Variants in SCAPER observed in about 807,000 individuals in gnomAD.
SCAPER encodes S phase cyclin A-associated protein in the endoplasmic reticulum.
SCAPER carries 98 observed loss-of-function variants against 182.2 expected under a neutral mutation model. The observed-to-expected ratio is 0.54, with a 90% CI of 0.46 to 0.64. The LOEUF (loss-of-function observed/expected upper bound fraction) is 0.64. SCAPER is among the 30% of genes least tolerant of loss of function. SCAPER has a pLI of 0.00. For synonymous variants in SCAPER, 605 were observed against 564.6 expected, an observed-to-expected ratio of 1.07 and a Z score of -1.01; for missense variants, 1,432 against 1,690.0, an observed-to-expected ratio of 0.85 and a Z score of 2.68.
chr15:76,362,256 G>T (rs2141743192), intron 29 of SCAPER, among the ~76,000 whole-genome samples: 1 of 151,652 alleles, frequency 6.6e-6, no homozygotes, highest in Non-Finnish European at 1.5e-5. Flanking sequence ...TACAAGCATG[G>T]GCCACCGCGC....
chr15:76,682,281 AGT>A (rs964541575), intron 20 of SCAPER, among the ~76,000 whole-genome samples: 11 of 97,062 alleles, frequency 1.1e-4, no homozygotes, highest in African/African-American at 4.5e-4. Context: ...CCCACCCCAC[AGT>A]GTACGTGTGA....
chr15:76,560,758 AAAG>A (rs1232464358), intron 23 of SCAPER, among the ~76,000 whole-genome samples: 12 of 152,210 alleles, frequency 7.9e-5, no homozygotes, highest in African/African-American at 2.7e-4. Context: ...TTGTAGTATC[AAAG>A]AAAAGTGAAT....
Position 76,621,832 on chromosome 15 carries a change from G to A in SCAPER, c.2646-3C>T. The A allele has an allele frequency of 6.3e-7, 1 of 1,595,660 alleles. No individual in the cohort carries two copies. The highest frequency in any genetic ancestry group is 1.1e-5 in the South Asian group (1 of 87,454). ...TTAAACTCTCATATTCCTTAGCCCTGAAGAGAAAAAAAGTTTTAACACAGT... is the reference window on the plus strand; with the variant it reads ...TTAAACTCTCATATTCCTTAGCCCTAAAGAGAAAAAAAGTTTTAACACAGT... On this transcript the variant is annotated splice_region_variant and splice_polypyrimidine_tract_variant and intron_variant, in intron 21 of 31. Transcript: ENST00000563290.
At chr15:76,464,478 A>G (rs1003518599) in intron 25 of SCAPER, among the ~76,000 whole-genome samples, 3 of 152,096 alleles carry the variant, frequency 2.0e-5, no homozygotes, top group African/African-American at 7.2e-5. Flanking sequence ...TGGAAGCTGC[A>G]TATATGAAAA....
chr15:76,770,653 T>C (rs1206615122), intron 10 of SCAPER, among the ~76,000 whole-genome samples: 2 of 152,184 alleles, frequency 1.3e-5, no homozygotes, highest in African/African-American at 4.8e-5. Flanking sequence ...TTTTTAATTA[T>C]TTCATGCTTA....
intron 21 of SCAPER, among the ~76,000 whole-genome samples, chr15:76,622,357 C>T (rs1191435545): frequency 1.3e-5 from 2 of 151,838 alleles, no homozygotes; most frequent in African/African-American, 4.8e-5. Flanking sequence ...AAGAATTCAT[C>T]CAGTGATCTA....
rs777640039 is a variant in SCAPER, at chr15:76,702,906, C to T, written c.2344G>A (p.Ala782Thr). 3 of 1,611,360 alleles carry T rather than the reference C, an allele frequency of 1.9e-6. No individual in the cohort carries two copies. Among genetic ancestry groups the T allele is most frequent in the African/African-American group, 2.7e-5 (2 of 74,872 alleles). Residue 782 changes from alanine (A) to threonine (T), a missense_variant, in exon 19 of 32, where the codon GCC becomes ACC. Transcript: ENST00000563290. Reference protein sequence around the residue: ...SSGRHANTDYAPKLTPYERKK... With the variant: ...SSGRHANTDYTPKLTPYERKK... Reference sequence around the variant, plus strand: ...CTTTCATAAGGGGTCAGTTTGGGGGCATAATCAGTATTTGCATGTCGCCCA... The same window carrying T: ...CTTTCATAAGGGGTCAGTTTGGGGGTATAATCAGTATTTGCATGTCGCCCA...
intron 26 of SCAPER, among the ~76,000 whole-genome samples, chr15:76,431,268 T>C (rs531956324): frequency 1.3e-5 from 2 of 150,108 alleles, no homozygotes; most frequent in African/African-American, 2.5e-5. Flanking sequence ...TTGGATATGC[T>C]GTAAAAGTCT....
intron 22 of SCAPER, among the ~76,000 whole-genome samples, chr15:76,581,833 G>A (rs2048296277): frequency 6.6e-6 from 1 of 152,032 alleles, no homozygotes; most frequent in South Asian, 2.1e-4. Context: ...CAATCTGCCA[G>A]CCACAGCCTC....
chr15:76,584,275 G>A (rs1395744204), intron 22 of SCAPER, among the ~76,000 whole-genome samples: 3 of 150,124 alleles, frequency 2.0e-5, no homozygotes, highest in Non-Finnish European at 4.4e-5. Flanking sequence ...GGCTGGTAAG[G>A]GTAGTGGGGA....
chr15:76,447,692 T>A (rs1025708314), intron 25 of SCAPER, among the ~76,000 whole-genome samples: 16 of 152,310 alleles, frequency 1.1e-4, no homozygotes, highest in African/African-American at 3.8e-4. Flanking sequence ...ATCTCTGAAA[T>A]AATATTATTA....
rs1029287527 is a variant in SCAPER, at chr15:76,348,570, ATGTT to A, written c.*59_*62del. The A allele has an allele frequency of 1.9e-4, 212 of 1,129,056 alleles. 1 individual carries two copies. Among genetic ancestry groups the A allele is most frequent in the East Asian group, 3.1e-4 (12 of 38,704 alleles). 69.9% of individuals were successfully genotyped at this position (1,129,056 alleles called of 1,614,324 possible). On this transcript the variant is annotated 3_prime_UTR_variant, in exon 32 of 32. Transcript: ENST00000563290. ...AATGAGTTCTTAAGGAACAATTAGA[ATGTT>A]TGTTTGGACAATTTAAAATATTAAC...
chr15:76,661,920 T>A (rs1249009182), intron 21 of SCAPER, among the ~76,000 whole-genome samples: 3 of 152,116 alleles, frequency 2.0e-5, no homozygotes, highest in Non-Finnish European at 4.4e-5. Context: ...AACAAAGACA[T>A]GGAACCAACC....
At chr15:76,572,836 T>C (rs565810651) in intron 23 of SCAPER, among the ~76,000 whole-genome samples, 2 of 152,164 alleles carry the variant, frequency 1.3e-5, no homozygotes, top group African/African-American at 4.8e-5. Flanking sequence ...GAAGTTCTTG[T>C]TTATTTACTT....
intron 17 of SCAPER, 56 bp from the exon 18 acceptor site, chr15:76,706,040 G>A: frequency 7.4e-7 from 1 of 1,355,032 alleles, no homozygotes; most frequent in Non-Finnish European, 1.0e-6. Flanking sequence ...CAAATCTCAT[G>A]AGACTCAAAA....
intron 28 of SCAPER, chr15:76,380,065 C>G (rs2042852023): frequency 1.3e-5 from 2 of 152,194 alleles, no homozygotes; most frequent in Admixed American, 1.3e-4. Flanking sequence ...TTCGACGCAG[C>G]TGATGGGTAG....
At chr15:76,862,344 GTCTA>G (rs1204553229) in intron 3 of SCAPER, 68 bp downstream of exon 3, 2 of 906,554 alleles carry the variant, frequency 2.2e-6, no homozygotes, top group African/African-American at 1.7e-5. Context: ...ACAGTTTTCA[GTCTA>G]TCTCTTTAGG....
intron 4 of SCAPER, among the ~76,000 whole-genome samples, chr15:76,844,371 C>T (rs1345154699): frequency 6.6e-6 from 1 of 151,286 alleles, no homozygotes; most frequent in Non-Finnish European, 1.5e-5. Flanking sequence ...CCCTGAGAAT[C>T]TGAGAAAACC....
intron 26 of SCAPER, among the ~76,000 whole-genome samples, chr15:76,427,319 G>C (rs748226348): frequency 6.6e-6 from 1 of 152,096 alleles, no homozygotes; most frequent in Non-Finnish European, 1.5e-5. Flanking sequence ...CTATACATCT[G>C]ATAACGGGTT....
Sources: gnomAD v4.1 joint callset for allele counts (sites outside exome capture counted in the v4.1 genomes callset) on GRCh38, gnomAD v4.1.1 for gene constraint, MANE v1.5 for transcripts, NCBI Gene and HGNC (gene_info 2026-07-23, HGNC 2026-07-21) for gene names.